Variants in SVIL observed in about 807,000 individuals in gnomAD.
SVIL encodes supervillin.
Under a neutral mutation model 240.4 loss-of-function variants are expected in SVIL, and 101 were observed. That is an observed-to-expected ratio of 0.42 (90% CI 0.36 to 0.50). The LOEUF is 0.50. Ranked by LOEUF, SVIL falls within the 20% of genes least tolerant of loss-of-function variation. SVIL has a pLI of 0.01. For synonymous variants in SVIL, 999 were observed against 1,100.0 expected, an observed-to-expected ratio of 0.91 and a Z score of 1.82; for missense variants, 2,512 against 2,818.7, an observed-to-expected ratio of 0.89 and a Z score of 2.46.
chr10:29,493,834 G>A (rs1948187698), intron 20 of SVIL, among the ~76,000 whole-genome samples: 1 of 152,142 alleles, frequency 6.6e-6, no homozygotes, highest in East Asian at 1.9e-4. Context: ...AAAAGCTATT[G>A]ACAATAGTTC....
At chr10:29,493,103 G>A (rs1588968498) in intron 21 of SVIL, 111 bp downstream of exon 21, 1 of 1,270,348 alleles carries the variant, frequency 7.9e-7, no homozygotes, top group East Asian at 2.5e-5. Flanking sequence ...CGCCGTGATG[G>A]AGTTAGAAGG....
At chr10:29,636,562 A>G (rs1032706692), upstream of SVIL, among the ~76,000 whole-genome samples, 1 of 152,180 alleles carries the variant, frequency 6.6e-6, no homozygotes, top group Non-Finnish European at 1.5e-5. Flanking sequence ...CTTCTTTTAT[A>G]TATCCTTTCT....
intron 1 of SVIL, among the ~76,000 whole-genome samples, chr10:29,575,120 C>G (rs1955630698): frequency 6.6e-6 from 1 of 152,220 alleles, no homozygotes; most frequent in African/African-American, 2.4e-5. Context: ...AATTCTATTT[C>G]TAAAAATGCA....
At chr10:29,601,515 G>A (rs1956811054) in intron 1 of SVIL, among the ~76,000 whole-genome samples, 1 of 152,186 alleles carries the variant, frequency 6.6e-6, no homozygotes, top group African/African-American at 2.4e-5. Context: ...GGCACAATTT[G>A]CAACTACTAT....
In SVIL at chr10:29,465,608, G is replaced by A. The variant is rs200107973; in HGVS notation, c.6120C>T (p.Ser2040=). 3.8e-5 allele frequency: 62 copies of A among 1,613,096 alleles called. No homozygotes were observed. The African/African-American group carries it at 6.7e-4, about 17-fold the overall frequency. The change falls in exon 34 of 38, where the codon AGC becomes AGT. Residue 2040 remains serine, a synonymous_variant. Coordinates refer to ENST00000355867, the MANE Select transcript of SVIL (RefSeq NM_021738.3). The part of the protein sequence containing the change: ...SMPFLQEDLY[S]APQPALFLVD... ...TGCAGGCCTTACCTGGCTGGGGCGC[G>A]CTGTACAGATCTTCCTGCAGGAAGG...
At chr10:29,612,903 C>G (rs571108647) in intron 1 of SVIL, among the ~76,000 whole-genome samples, 1 of 152,002 alleles carries the variant, frequency 6.6e-6, no homozygotes, top group South Asian at 2.1e-4. Context: ...TGAGGCTGGG[C>G]GTGGTGGTTC....
At chr10:29,632,855 A>T (rs889358627) in intron 1 of SVIL, among the ~76,000 whole-genome samples, 6 of 152,150 alleles carry the variant, frequency 3.9e-5, no homozygotes, top group Admixed American at 3.3e-4. Flanking sequence ...ACACACACAC[A>T]CACACACAGA....
chr10:29,650,350 A>G (rs897246996), intron 3 of SVIL, among the ~76,000 whole-genome samples: 1 of 152,166 alleles, frequency 6.6e-6, no homozygotes, highest in Admixed American at 6.5e-5. Flanking sequence ...GCCGTGGGCA[A>G]TGCACTTTTG....
chr10:29,724,808 A>C (rs1964196915), intron 1 of SVIL, among the ~76,000 whole-genome samples: 1 of 151,960 alleles, frequency 6.6e-6, no homozygotes, highest in East Asian at 1.9e-4. Flanking sequence ...GATCGCTTGA[A>C]GTCAGGAGTT....
intron 1 of SVIL, among the ~76,000 whole-genome samples, chr10:29,693,300 T>A (rs779036193): frequency 4.6e-5 from 7 of 151,044 alleles, no homozygotes; most frequent in Admixed American, 4.0e-4. Flanking sequence ...GTTTTGTGTA[T>A]TTATTTGGGG....
intron 2 of SVIL, among the ~76,000 whole-genome samples, chr10:29,563,794 G>A (rs1471991345): frequency 2.0e-5 from 3 of 152,178 alleles, no homozygotes; most frequent in South Asian, 2.1e-4. Flanking sequence ...ATGAAGACTC[G>A]TGTTGGAATA....
At chr10:29,676,105 T>C (rs1404777156) in intron 2 of SVIL, among the ~76,000 whole-genome samples, 1 of 152,330 alleles carries the variant, frequency 6.6e-6, no homozygotes, top group Middle Eastern at 3.4e-3. Flanking sequence ...CTGTTTCCCA[T>C]GCATGGTTAC....
At position 29,538,703 on chromosome 10, in the gene SVIL, T is replaced by C. The variant is rs185461460; in HGVS notation, c.828-2634A>G. On this transcript the variant is annotated intron_variant, in intron 6 of 37. Transcript: ENST00000355867. ...TCCAAATCCAAGCTAATGTGAGTGT[T>C]CTGAGCATATCTAAGGTAGGTTGGG... Among the ~76,000 whole-genome samples, 732 of 152,378 alleles carry C rather than the reference T, an allele frequency of 4.8e-3. 4 individuals are homozygous for C. The highest frequency in any genetic ancestry group is 0.017 in the African/African-American group (707 of 41,596).
chr10:29,522,498 A>G lies in SVIL; in HGVS notation c.3301T>C (p.Cys1101Arg), dbSNP rs1052837472. 7.4e-6 allele frequency: 12 copies of G among 1,614,068 alleles called. No individual in the cohort carries two copies. Among genetic ancestry groups the G allele is most frequent in the South Asian group, 1.1e-5 (1 of 91,086 alleles). Residue 1101 changes from cysteine to arginine, a missense_variant, in exon 16 of 38, where the codon TGT (cysteine) becomes CGT (arginine). Cys to Arg is a radical substitution (Grantham distance 180). Transcript: ENST00000355867. The part of the protein sequence containing the change: ...QPQEKLCKNP[C>R]AMFAAGEIKT... ...ATCTCTCCAGCAGCAAACATCGCAC[A>G]TGGATTCTTGCAGAGCTTCTCCTGT...
intron 6 of SVIL, among the ~76,000 whole-genome samples, chr10:29,548,278 C>T (rs1014222941): frequency 1.3e-5 from 2 of 152,158 alleles, no homozygotes; most frequent in African/African-American, 4.8e-5. Flanking sequence ...GTGTTTCCCA[C>T]ATATGAATCT....
intron 36 of SVIL, among the ~76,000 whole-genome samples, chr10:29,459,803 G>A (rs929790647): frequency 2.0e-5 from 3 of 152,196 alleles, no homozygotes; most frequent in African/African-American, 7.2e-5. Context: ...CAAGAGGCAG[G>A]TTTTGGGCTG....
intron 6 of SVIL, among the ~76,000 whole-genome samples, chr10:29,538,077 C>A (rs533916044): frequency 6.6e-6 from 1 of 152,164 alleles, no homozygotes; most frequent in Admixed American, 6.5e-5. Context: ...GGCCAGCAGA[C>A]GCCTGCTGTT....
At chr10:29,530,584 T>G in intron 11 of SVIL, 23 bp downstream of exon 11, 1 of 1,613,946 alleles carries the variant, frequency 6.2e-7, no homozygotes, top group Admixed American at 1.7e-5. Flanking sequence ...GGATCTCTAT[T>G]CAAGCACGTC....
chr10:29,491,498 G>A (rs544583006), intron 21 of SVIL, among the ~76,000 whole-genome samples: 10 of 152,066 alleles, frequency 6.6e-5, no homozygotes, highest in Non-Finnish European at 8.8e-5. Flanking sequence ...AATAGCTTTC[G>A]GTCCCCTTAC....
Sources: gnomAD v4.1 joint callset for allele counts (sites outside exome capture counted in the v4.1 genomes callset) on GRCh38, gnomAD v4.1.1 for gene constraint, MANE v1.5 for transcripts, NCBI Gene and HGNC (gene_info 2026-07-23, HGNC 2026-07-21) for gene names.